KIRREL3: variants seen among roughly 807,000 people sequenced by gnomAD.
The protein encoded by KIRREL3 is kirre like nephrin family adhesion molecule 3.
A neutral mutation model predicts 89.7 loss-of-function variants in KIRREL3; 36 were observed. The observed-to-expected ratio is 0.40, with a 90% CI of 0.31 to 0.53. KIRREL3 has a LOEUF of 0.53. Ranked by LOEUF, KIRREL3 falls within the 20% of genes least tolerant of loss-of-function variation. The pLI is 0.49. For synonymous variants in KIRREL3, 445 were observed against 441.4 expected (o/e 1.01, Z -0.10); for missense variants, 864 against 1,056.6 (o/e 0.82, Z 2.53).
chr11:126,768,257 TCCACCCA>T lies in KIRREL3; in HGVS notation c.56-205352_56-205346del, dbSNP rs1277734428. Reference sequence around the variant, plus strand: ...GTCCATCTGTCCATCCATACATGCATCCACCCATCCATCCATCCATTCATCCATCCAT... The same window carrying T: ...GTCCATCTGTCCATCCATACATGCATTCCATCCATCCATTCATCCATCCAT... On this transcript the variant is annotated intron_variant, in intron 1 of 16. Transcript: ENST00000525144. The surrounding 1 kb of genome is among the most constrained non-coding windows in gnomAD (Gnocchi z 4.5). 2.0e-5 allele frequency among the ~76,000 whole-genome samples: 3 copies of T among 150,054 alleles called. No individual in the cohort carries two copies. Among genetic ancestry groups the T allele is most frequent in the African/African-American group, 7.5e-5 (3 of 39,784 alleles).
intron 9 of KIRREL3, among the ~76,000 whole-genome samples, chr11:126,445,654 G>A (rs1565457025): frequency 6.6e-6 from 1 of 152,198 alleles, no homozygotes; most frequent in Non-Finnish European, 1.5e-5. Flanking sequence ...TGTCTCTTTG[G>A]TCAGTTACTT....
At chr11:126,654,020 C>T (rs1468668350) in intron 1 of KIRREL3, among the ~76,000 whole-genome samples, 2 of 152,306 alleles carry the variant, frequency 1.3e-5, no homozygotes, top group South Asian at 2.1e-4. Flanking sequence ...CCACAGCCCT[C>T]GATTCTAGAA....
chr11:126,839,225 T>C (rs558109143), intron 1 of KIRREL3, among the ~76,000 whole-genome samples: 1 of 152,234 alleles, frequency 6.6e-6, no homozygotes, highest in East Asian at 1.9e-4. Context: ...CAACAGACCA[T>C]AGTCAAGGTT....
In KIRREL3 at chr11:126,906,707, A is replaced by T. The variant is rs1280169607; in HGVS notation, c.55+93748T>A. 6.6e-6 allele frequency among the ~76,000 whole-genome samples: 1 copy of T among 152,182 alleles called. No homozygotes were observed. Among genetic ancestry groups the T allele is most frequent in the Non-Finnish European group, 1.5e-5 (1 of 68,034 alleles). ...GAAGATGTGAACTGCACGCATTATA[A>T]GGCAAATTAGATCCTGAAAGTCTGC... On this transcript the variant is annotated intron_variant, in intron 1 of 16. Transcript: ENST00000525144. The surrounding 1 kb of genome is among the most constrained non-coding windows in gnomAD (Gnocchi z 4.1).
rs1301551110 is a variant in KIRREL3, at chr11:126,563,998, G to A, written c.56-1086C>T. Among the ~76,000 whole-genome samples, 1 of 152,154 alleles carries A rather than the reference G, an allele frequency of 6.6e-6. No individual in the cohort carries two copies. The highest frequency in any genetic ancestry group is 2.4e-5 in the African/African-American group (1 of 41,430). On this transcript the variant is annotated intron_variant, in intron 1 of 16. Transcript: ENST00000525144. The surrounding 1 kb of genome is among the most constrained non-coding windows in gnomAD (Gnocchi z 6.8). ...TTGTCTTAGACCCCCACCCCACCTT[G>A]TAGCATAGAAGTCTTACAAATGTGT... is the stretch of plus-strand genomic sequence containing the variant.
rs1437564297 is a variant in KIRREL3, at chr11:126,541,424, A to C, written c.134-14737T>G. 2.6e-5 allele frequency among the ~76,000 whole-genome samples: 4 copies of C among 152,174 alleles called. No homozygotes were observed. The highest frequency in any genetic ancestry group is 5.9e-5 in the Non-Finnish European group (4 of 68,042). ...GGTGGGGGGTGGTCCTAAGGTTGAA[A>C]ATAATAAAATCAAGGTGCAAAGAAG... On this transcript the variant is annotated intron_variant, in intron 2 of 16. Coordinates refer to ENST00000525144, the MANE Select transcript of KIRREL3 (RefSeq NM_032531.4). The surrounding 1 kb of genome is among the most constrained non-coding windows in gnomAD (Gnocchi z 4.8).
rs934160254 is a variant in KIRREL3 at position 126,890,148 on chromosome 11, T to C, written c.55+110307A>G. On this transcript the variant is annotated intron_variant, in intron 1 of 16. Transcript: ENST00000525144. The surrounding 1 kb of genome is among the most constrained non-coding windows in gnomAD (Gnocchi z 5.1). ...TTAAATTCTTGAGTTAAAATGAAGA[T>C]AAAATTATTGGGGAGGTGGGGATAG... 6.6e-6 allele frequency among the ~76,000 whole-genome samples: 1 copy of C among 152,148 alleles called. No individual in the cohort carries two copies. The highest frequency in any genetic ancestry group is 1.9e-4 in the East Asian group (1 of 5,194).
At position 126,451,643 on chromosome 11, in the gene KIRREL3, T is replaced by C. The variant is rs546434188; in HGVS notation, c.849-2486A>G. ...ATGTGTGTCCATGTGCATGTGTGCA[T>C]GTATGGGCGTGTGCATGTGTGAGTG... On this transcript the variant is annotated intron_variant, in intron 7 of 16. Transcript: ENST00000525144. Among the ~76,000 whole-genome samples, 3 of 151,492 alleles carry C rather than the reference T, an allele frequency of 2.0e-5. No homozygotes were observed. The South Asian group carries it at 6.3e-4, about 32-fold the overall frequency.
chr11:126,784,288 A>T (rs1368607637), intron 1 of KIRREL3, among the ~76,000 whole-genome samples: 5 of 152,260 alleles, frequency 3.3e-5, no homozygotes, highest in Non-Finnish European at 5.9e-5. Flanking sequence ...TACTAATGCA[A>T]GATGTTAACA....
chr11:126,991,471 T>TTTA lies in KIRREL3; in HGVS notation c.55+8981_55+8983dup, dbSNP rs143676602. 2.4e-3 allele frequency among the ~76,000 whole-genome samples: 363 copies of TTTA among 151,472 alleles called. No individual in the cohort carries two copies. The highest frequency in any genetic ancestry group is 0.01 in the Middle Eastern group (3 of 294). Reference sequence around the variant, plus strand: ...AGTCCCTGCCTTTGCTTCCTTCCTTTTTATTATTATTATTATTATTATTTG... The same window carrying TTTA: ...AGTCCCTGCCTTTGCTTCCTTCCTTTTTATTATTATTATTATTATTATTATTTG... On this transcript the variant is annotated intron_variant, in intron 1 of 16. Coordinates refer to ENST00000525144, the MANE Select transcript of KIRREL3 (RefSeq NM_032531.4). This position sits in a 1 kb window ranked among gnomAD's most constrained non-coding sequence, Gnocchi z 5.8.
chr11:126,853,365 A>C (rs1944403264), intron 1 of KIRREL3, among the ~76,000 whole-genome samples: 1 of 152,250 alleles, frequency 6.6e-6, no homozygotes, highest in Non-Finnish European at 1.5e-5. Context: ...TCTTGTGGCC[A>C]TAATTTGAAT....
rs770525480 is a variant in KIRREL3 at position 126,440,442 on chromosome 11, C to A, written c.1353+7G>T. ...CGGCCCCCGCCCGCCGTCCCTGGAGCACTCACGATGCGGTCCGGCGGCGGC... is the reference window on the plus strand; with the variant it reads ...CGGCCCCCGCCCGCCGTCCCTGGAGAACTCACGATGCGGTCCGGCGGCGGC... On this transcript the variant is annotated splice_region_variant and intron_variant, in intron 11 of 16. Transcript: ENST00000525144. 1.9e-6 allele frequency: 3 copies of A among 1,564,584 alleles called. No individual in the cohort carries two copies. The highest frequency in any genetic ancestry group is 2.6e-6 in the Non-Finnish European group (3 of 1,155,522).
At chr11:126,470,477 C>T (rs111512978) in intron 5 of KIRREL3, among the ~76,000 whole-genome samples, 8,060 of 152,252 alleles carry the variant, frequency 0.053, 230 homozygotes, top group Middle Eastern at 0.13. Flanking sequence ...GTTCTTTGAT[C>T]GGCAGCCCTG....
chr11:126,787,613 C>T (rs1950520946), intron 1 of KIRREL3, among the ~76,000 whole-genome samples: 1 of 152,146 alleles, frequency 6.6e-6, no homozygotes, highest in Non-Finnish European at 1.5e-5. Flanking sequence ...AATGTTCTTT[C>T]AATTCCTTGG....
At chr11:126,973,232 GTCTTCTTAGGGCT>G in intron 1 of KIRREL3, among the ~76,000 whole-genome samples, 1 of 152,048 alleles carries the variant, frequency 6.6e-6, no homozygotes, top group Admixed American at 6.5e-5. Context: ...TGCTGAGGGA[GTCTTCTTAGGGCT>G]TCTATATCAC....
rs1391708592 is a variant in KIRREL3 at position 126,535,485 on chromosome 11, A to T, written c.134-8798T>A. On this transcript the variant is annotated intron_variant, in intron 2 of 16. Coordinates refer to ENST00000525144, the MANE Select transcript of KIRREL3 (RefSeq NM_032531.4). This position sits in a 1 kb window ranked among gnomAD's most constrained non-coding sequence, Gnocchi z 4.5. Reference sequence around the variant, plus strand: ...ATCCCTAATTATTTCCTGAGGGGGAAGAGTCATTTTGCCATGGAAGGCGCA... The same window carrying T: ...ATCCCTAATTATTTCCTGAGGGGGATGAGTCATTTTGCCATGGAAGGCGCA... Among the ~76,000 whole-genome samples the T allele has an allele frequency of 6.6e-6, 1 of 152,116 alleles. No individual in the cohort carries two copies. The highest frequency in any genetic ancestry group is 1.5e-5 in the Non-Finnish European group (1 of 68,026).
chr11:126,751,078 G>A (rs1949319713), intron 1 of KIRREL3, among the ~76,000 whole-genome samples: 1 of 152,190 alleles, frequency 6.6e-6, no homozygotes, highest in African/African-American at 2.4e-5. Context: ...TTATGTCAAT[G>A]CTGTGGAATT....
Position 126,562,787 on chromosome 11 carries a change from T to G in KIRREL3, c.133+48A>C, listed in dbSNP as rs1387760896. 6.7e-7 allele frequency: 1 copy of G among 1,481,952 alleles called. No homozygotes were observed. Among genetic ancestry groups the G allele is most frequent in the Non-Finnish European group, 9.4e-7 (1 of 1,059,876 alleles). 91.8% of individuals were successfully genotyped at this position (1,481,952 alleles called of 1,614,324 possible). ...CTGTCCTGTGGCTGTAGGGGAGAGC[T>G]TCCTCCCTCCAGATTACTCCCGAGA... On this transcript the variant is annotated intron_variant, in intron 2 of 16. Transcript: ENST00000525144. This position sits in a 1 kb window ranked among gnomAD's most constrained non-coding sequence, Gnocchi z 4.7.
At chr11:126,461,898 C>A in intron 6 of KIRREL3, among the ~76,000 whole-genome samples, 1 of 152,196 alleles carries the variant, frequency 6.6e-6, no homozygotes, top group East Asian at 1.9e-4. Flanking sequence ...CAGCCTGCAG[C>A]TCCAGCCTTG....
Sources: allele counts gnomAD v4.1 joint callset (sites outside exome capture counted in the v4.1 genomes callset), GRCh38; gene constraint gnomAD v4.1.1; non-coding constraint Gnocchi (gnomAD v3.1); transcripts MANE v1.5; gene names NCBI Gene and HGNC (gene_info 2026-07-23, HGNC 2026-07-21).